The following MAGI2 variants were observed in gnomAD, a reference collection of about 807,000 sequenced individuals.
MAGI2 encodes the protein membrane associated guanylate kinase, WW and PDZ domain containing 2.
Under a neutral mutation model 133.3 loss-of-function variants are expected in MAGI2, and 35 were observed. The ratio of observed to expected loss-of-function variants is 0.26; its 90% CI spans 0.20 to 0.35. The LOEUF (loss-of-function observed/expected upper bound fraction) is 0.35. Among genes scored for constraint, MAGI2 ranks in the 10% least tolerant of loss-of-function variants. The probability of loss-of-function intolerance (pLI) is 1.00; values close to 1 mark genes in which losing one functional copy is unlikely to be tolerated. For synonymous variants in MAGI2, 729 were observed against 710.6 expected, an observed-to-expected ratio of 1.03 and a Z score of -0.41; for missense variants, 1,636 against 1,863.4, an observed-to-expected ratio of 0.88 and a Z score of 2.25.
intron 6 of MAGI2, among the ~76,000 whole-genome samples, chr7:78,471,836 A>G (rs939191233): frequency 1.8e-4 from 28 of 152,134 alleles, no homozygotes; most frequent in Admixed American, 5.2e-4. Flanking sequence ...GAGGCAGGAG[A>G]ATCACTTGAA....
chr7:78,748,680 G>A (rs957572785), intron 2 of MAGI2, among the ~76,000 whole-genome samples: 1 of 143,456 alleles, frequency 7.0e-6, no homozygotes, highest in African/African-American at 2.6e-5. Context: ...TTGAAAGAAG[G>A]AAATTACTCT....
chr7:79,369,968 A>G (rs559298686), intron 1 of MAGI2, among the ~76,000 whole-genome samples: 51 of 152,160 alleles, frequency 3.4e-4, no homozygotes, highest in African/African-American at 1.2e-3. Context: ...TTTATATTAT[A>G]TATTATGTCT....
At chr7:78,526,921 T>C (rs1347670414) in intron 3 of MAGI2, among the ~76,000 whole-genome samples, 1 of 139,188 alleles carries the variant, frequency 7.2e-6, no homozygotes, top group East Asian at 2.2e-4. Context: ...GACAGGAGAA[T>C]CGCTTGAACC....
chr7:78,206,484 G>A (rs960729657), intron 10 of MAGI2, among the ~76,000 whole-genome samples: 5 of 151,890 alleles, frequency 3.3e-5, no homozygotes, highest in African/African-American at 9.7e-5. Context: ...GTAGAGATGG[G>A]GTTTCACCAT....
intron 1 of MAGI2, among the ~76,000 whole-genome samples, chr7:79,283,019 A>G (rs1453786755): frequency 1.3e-5 from 2 of 152,136 alleles, no homozygotes; most frequent in Non-Finnish European, 2.9e-5. Flanking sequence ...ATGGCTGAAC[A>G]TGTTCTATTT....
chr7:79,298,526 T>A (rs986526095), intron 1 of MAGI2, among the ~76,000 whole-genome samples: 1 of 152,154 alleles, frequency 6.6e-6, no homozygotes, highest in Admixed American at 6.5e-5. Flanking sequence ...AAATACCATA[T>A]CATACATAGT....
intron 21 of MAGI2, chr7:78,065,523 C>T: frequency 4.7e-6 from 3 of 635,818 alleles, no homozygotes; most frequent in Non-Finnish European, 8.3e-6. Context: ...AAAACATATG[C>T]AAAACCAAGG....
chr7:78,482,890 CACACACACACACA>C (rs1792558307), intron 6 of MAGI2, among the ~76,000 whole-genome samples: 54 of 148,646 alleles, frequency 3.6e-4, no homozygotes, highest in African/African-American at 1.3e-3. Flanking sequence ...CACACACACA[CACACACACACACA>C]CACACACACA....
At chr7:78,951,144 T>G (rs1026691280) in intron 2 of MAGI2, among the ~76,000 whole-genome samples, 1 of 152,050 alleles carries the variant, frequency 6.6e-6, no homozygotes, top group Non-Finnish European at 1.5e-5. Context: ...GCTAATTTTT[T>G]GTATTTTTAG....
chr7:78,596,852 A>G (rs1435491681), intron 3 of MAGI2, among the ~76,000 whole-genome samples: 2 of 152,248 alleles, frequency 1.3e-5, no homozygotes, highest in Non-Finnish European at 1.5e-5. Context: ...CAGCTGAGGC[A>G]TCACAGCAGA....
chr7:78,768,749 T>C (rs888889190), intron 2 of MAGI2, among the ~76,000 whole-genome samples: 7 of 152,202 alleles, frequency 4.6e-5, no homozygotes, highest in Admixed American at 2.0e-4. Flanking sequence ...TAGCATAAAA[T>C]TTAAAGAATT....
chr7:78,675,172 C>G lies in MAGI2; in HGVS notation c.419-47933G>C, dbSNP rs959974179. Reference sequence around the variant, plus strand: ...ACTCTTTAGTTTTTATAACTAGTTCCAAATTGACTCCACTTCAAGGCTATA... The same window carrying G: ...ACTCTTTAGTTTTTATAACTAGTTCGAAATTGACTCCACTTCAAGGCTATA... On this transcript the variant is annotated intron_variant, in intron 2 of 21. Transcript: ENST00000354212. 3.3e-5 allele frequency among the ~76,000 whole-genome samples: 5 copies of G among 152,004 alleles called. No individual in the cohort carries two copies. In the East Asian group the frequency reaches 7.7e-4, roughly 24 times the overall value.
intron 1 of MAGI2, chr7:79,125,325 T>C: frequency 2.1e-6 from 1 of 466,952 alleles, no homozygotes; most frequent in Admixed American, 2.4e-5. Flanking sequence ...GTTGGCATGG[T>C]TCTGGAAACT....
At chr7:78,601,170 T>A (rs183710620) in intron 3 of MAGI2, among the ~76,000 whole-genome samples, 1 of 152,290 alleles carries the variant, frequency 6.6e-6, no homozygotes, top group East Asian at 1.9e-4. Context: ...GGTCCCTCCA[T>A]GCTTATTGGG....
Position 78,350,093 on chromosome 7 carries a change from C to T in MAGI2, c.1104-4050G>A, listed in dbSNP as rs538172486. On this transcript the variant is annotated intron_variant, in intron 7 of 21. Transcript: ENST00000354212. The stretch of plus-strand genomic sequence containing the variant: ...AGCGTAAGAGTCATATTCTGAAGTG[C>T]GTATATCTTAAAGATTCCGTTTTCT... The T allele has an allele frequency of 3.9e-5, 6 of 152,240 alleles. No individual in the cohort carries two copies. The South Asian group carries it at 1.0e-3, about 26-fold the overall frequency. 9.4% of individuals were successfully genotyped at this position (152,240 alleles called of 1,614,324 possible).
At chr7:79,015,136 T>C (rs1808556166) in intron 1 of MAGI2, among the ~76,000 whole-genome samples, 2 of 152,128 alleles carry the variant, frequency 1.3e-5, no homozygotes, top group African/African-American at 4.8e-5. Flanking sequence ...ACATTTGACA[T>C]TATTTTGTGT....
At chr7:78,132,371 A>G (rs759638527) in intron 18 of MAGI2, among the ~76,000 whole-genome samples, 2 of 152,146 alleles carry the variant, frequency 1.3e-5, no homozygotes, top group Non-Finnish European at 2.9e-5. Context: ...AGCAAATCCA[A>G]TGATAGCAGT....
intron 12 of MAGI2, among the ~76,000 whole-genome samples, chr7:78,191,518 C>T (rs1173963998): frequency 7.2e-5 from 11 of 152,206 alleles, no homozygotes; most frequent in Admixed American, 4.6e-4. Context: ...TTTTTCATAA[C>T]TTCTCTTGTG....
intron 1 of MAGI2, among the ~76,000 whole-genome samples, chr7:79,313,652 C>T (rs539298627): frequency 1.3e-4 from 20 of 152,142 alleles, no homozygotes; most frequent in Admixed American, 7.2e-4. Context: ...TCTATTTGTT[C>T]GTTTATAAAA....
Sources: allele counts gnomAD v4.1 joint callset (sites outside exome capture counted in the v4.1 genomes callset), GRCh38; gene constraint gnomAD v4.1.1; transcripts MANE v1.5; gene names NCBI Gene and HGNC (gene_info 2026-07-23, HGNC 2026-07-21).